The following NCKAP5 variants were observed in gnomAD, a reference collection of about 807,000 sequenced individuals.
The protein encoded by NCKAP5 is nck-associated protein 5.
A neutral mutation model predicts 167.0 loss-of-function variants in NCKAP5; 92 were observed. The observed-to-expected ratio is 0.55, with a 90% CI of 0.47 to 0.66. The LOEUF is 0.66. Among genes scored for constraint, NCKAP5 ranks in the 30% least tolerant of loss-of-function variants. NCKAP5 has a pLI of 0.00. For synonymous variants in NCKAP5, 891 were observed against 877.4 expected, an observed-to-expected ratio of 1.02 and a Z score of -0.27; for missense variants, 2,378 against 2,315.0, an observed-to-expected ratio of 1.03 and a Z score of -0.56.
At chr2:132,884,223 C>T (rs141869081) in intron 8 of NCKAP5, among the ~76,000 whole-genome samples, 40 of 152,334 alleles carry the variant, frequency 2.6e-4, no homozygotes, top group Non-Finnish European at 4.1e-4. Context: ...CCACACAGCA[C>T]GATCCTTCTG....
At position 132,752,719 on chromosome 2, in the gene NCKAP5, T is replaced by C. The variant is rs558365235; in HGVS notation, c.5129-20668A>G. Among the ~76,000 whole-genome samples the C allele has an allele frequency of 5.9e-3, 903 of 152,232 alleles. 11 individuals carry two copies. Among genetic ancestry groups the C allele is most frequent in the Non-Finnish European group, 7.0e-3 (476 of 68,018 alleles). ...AGAAACAGAACCAATAGAAGATGTG[T>C]GTATAAAATAAAGAATTGGCTCACA... On this transcript the variant is annotated intron_variant, in intron 16 of 19. Transcript: ENST00000409261.
chr2:132,976,679 T>C (rs2076987444), intron 7 of NCKAP5, among the ~76,000 whole-genome samples: 1 of 151,840 alleles, frequency 6.6e-6, no homozygotes, highest in Non-Finnish European at 1.5e-5. Flanking sequence ...GATAAGTATG[T>C]GAGGTAATGC....
At chr2:133,113,202 GT>G (rs74914476) in intron 6 of NCKAP5, among the ~76,000 whole-genome samples, 1,930 of 143,080 alleles carry the variant, frequency 0.013, 27 homozygotes, top group African/African-American at 0.042. Flanking sequence ...CACAATTGGA[GT>G]TTTTTTTTTT....
intron 6 of NCKAP5, among the ~76,000 whole-genome samples, chr2:133,089,900 G>A (rs534626564): frequency 2.0e-5 from 3 of 152,104 alleles, no homozygotes; most frequent in Non-Finnish European, 4.4e-5. Context: ...CCTTTGTTTT[G>A]TGGAGCGTTT....
chr2:133,419,831 T>A (rs1007353500), intron 3 of NCKAP5, among the ~76,000 whole-genome samples: 1 of 152,216 alleles, frequency 6.6e-6, no homozygotes, highest in African/African-American at 2.4e-5. Flanking sequence ...AATGACCACA[T>A]GCATATATGA....
chr2:133,422,129 G>A (rs1689517799), intron 3 of NCKAP5, among the ~76,000 whole-genome samples: 1 of 152,200 alleles, frequency 6.6e-6, no homozygotes, highest in African/African-American at 2.4e-5. Flanking sequence ...GGGAGGTATG[G>A]AGCAAACAAA....
chr2:133,469,554 G>T (rs1035082475), intron 3 of NCKAP5, among the ~76,000 whole-genome samples: 12 of 151,946 alleles, frequency 7.9e-5, no homozygotes, highest in African/African-American at 2.9e-4. Context: ...CTGAATGTTG[G>T]CCTACCTTGC....
Position 133,322,662 on chromosome 2 carries a change from C to T in NCKAP5, c.70-19552G>A, listed in dbSNP as rs145242509. 7.0e-3 allele frequency among the ~76,000 whole-genome samples: 1,061 copies of T among 152,294 alleles called. 15 individuals carry two copies. Among genetic ancestry groups the T allele is most frequent in the African/African-American group, 0.022 (928 of 41,558 alleles). On this transcript the variant is annotated intron_variant, in intron 3 of 19. Transcript: ENST00000409261. ...TTCACCACCCATCCAGGATATTCTT[C>T]TAACAATTGCATTTGAGAATCTATC... is the stretch of plus-strand genomic sequence containing the variant.
chr2:133,108,539 C>A (rs945931554), intron 6 of NCKAP5, among the ~76,000 whole-genome samples: 1 of 152,182 alleles, frequency 6.6e-6, no homozygotes, highest in Non-Finnish European at 1.5e-5. Context: ...TTAGCCTTTC[C>A]TTACATAAAA....
intron 3 of NCKAP5, among the ~76,000 whole-genome samples, chr2:133,474,478 C>A (rs1220894370): frequency 6.6e-6 from 1 of 152,110 alleles, no homozygotes; most frequent in Non-Finnish European, 1.5e-5. Context: ...TTCAAGAGAT[C>A]TATTGTGCAA....
chr2:133,270,649 G>A (rs1195000306), intron 4 of NCKAP5, among the ~76,000 whole-genome samples: 2 of 152,136 alleles, frequency 1.3e-5, no homozygotes, highest in Admixed American at 6.5e-5. Flanking sequence ...TCCTTTCTGC[G>A]TGGCAGATGG....
chr2:133,112,268 A>G (rs942364962), intron 6 of NCKAP5, among the ~76,000 whole-genome samples: 3 of 152,048 alleles, frequency 2.0e-5, no homozygotes, highest in Non-Finnish European at 2.9e-5. Flanking sequence ...AGGTCAGGAG[A>G]TCGAGACCAT....
chr2:133,005,253 T>G (rs2077924424), intron 6 of NCKAP5, among the ~76,000 whole-genome samples: 1 of 152,210 alleles, frequency 6.6e-6, no homozygotes, highest in Non-Finnish European at 1.5e-5. Flanking sequence ...AAAATTTATG[T>G]TCAGAGATTG....
chr2:133,102,786 C>G (rs2149685410), intron 6 of NCKAP5, among the ~76,000 whole-genome samples: 1 of 149,328 alleles, frequency 6.7e-6, no homozygotes, highest in East Asian at 1.9e-4. Context: ...CACACACACA[C>G]ACACTGTACA....
At chr2:133,007,716 C>G (rs532261809) in intron 6 of NCKAP5, among the ~76,000 whole-genome samples, 1 of 152,230 alleles carries the variant, frequency 6.6e-6, no homozygotes, top group South Asian at 2.1e-4. Flanking sequence ...TAACAACACC[C>G]CTTTCAGTCC....
chr2:133,578,354 C>T, the NCKAP5 span, among the ~76,000 whole-genome samples: 1 of 152,196 alleles, frequency 6.6e-6, no homozygotes, highest in African/African-American at 2.4e-5. Context: ...CAAAGTGATG[C>T]CGTGTTGAGC....
At chr2:132,914,690 G>A (rs1694727346) in intron 8 of NCKAP5, among the ~76,000 whole-genome samples, 1 of 151,950 alleles carries the variant, frequency 6.6e-6, no homozygotes, top group Non-Finnish European at 1.5e-5. Context: ...ACCACTGAAG[G>A]TACTCAGCAC....
At chr2:133,157,239 G>A (rs2083608738) in intron 5 of NCKAP5, among the ~76,000 whole-genome samples, 1 of 152,144 alleles carries the variant, frequency 6.6e-6, no homozygotes, top group African/African-American at 2.4e-5. Flanking sequence ...CCCATCAAAT[G>A]GTGGTCTACT....
chr2:133,466,640 G>A (rs1325368881), intron 3 of NCKAP5, among the ~76,000 whole-genome samples: 4 of 152,190 alleles, frequency 2.6e-5, no homozygotes, highest in Non-Finnish European at 5.9e-5. Context: ...TCCTACCCAT[G>A]AGCATGGAAT....
Sources: gnomAD v4.1 joint callset for allele counts (sites outside exome capture counted in the v4.1 genomes callset) on GRCh38, gnomAD v4.1.1 for gene constraint, MANE v1.5 for transcripts, NCBI Gene and HGNC (gene_info 2026-07-23, HGNC 2026-07-21) for gene names.